PCNX2: variants seen among roughly 807,000 people sequenced by gnomAD.
The protein encoded by PCNX2 is pecanex 2.
A neutral mutation model predicts 223.8 loss-of-function variants in PCNX2; 168 were observed. The observed-to-expected ratio is 0.75, with a 90% CI of 0.66 to 0.85. The LOEUF (loss-of-function observed/expected upper bound fraction) is 0.85. Ranked by LOEUF, PCNX2 falls within the 40% of genes least tolerant of loss-of-function variation. The probability of loss-of-function intolerance (pLI) is 0.00; values close to 1 mark genes in which losing one functional copy is unlikely to be tolerated. For synonymous variants in PCNX2, 1,006 were observed against 1,052.6 expected (o/e 0.96, Z 0.86); for missense variants, 2,507 against 2,675.5 (o/e 0.94, Z 1.39).
At position 233,134,156 on chromosome 1, in the gene PCNX2, C is replaced by T. The variant is rs1345508899; in HGVS notation, c.3837+857G>A. ...TGAAGTCAGTCTCCAGAAGAAACCCCGTGGCTGCTGTATTCAACTGCCGGT... is the reference window on the plus strand; with the variant it reads ...TGAAGTCAGTCTCCAGAAGAAACCCTGTGGCTGCTGTATTCAACTGCCGGT... On this transcript the variant is annotated intron_variant, in intron 21 of 33. Coordinates refer to ENST00000258229, the MANE Select transcript of PCNX2 (RefSeq NM_014801.4). Among the ~76,000 whole-genome samples the T allele has an allele frequency of 2.6e-5, 4 of 152,236 alleles. No homozygotes were observed. The East Asian group carries it at 5.8e-4, about 22-fold the overall frequency.
intron 15 of PCNX2, among the ~76,000 whole-genome samples, chr1:233,194,019 T>A (rs191045991): frequency 6.6e-6 from 1 of 151,828 alleles, no homozygotes; most frequent in East Asian, 1.9e-4. Context: ...GGCTAAAGAT[T>A]TTCCAAAACA....
intron 25 of PCNX2, among the ~76,000 whole-genome samples, chr1:233,029,556 A>G (rs1182968968): frequency 6.7e-6 from 1 of 149,174 alleles, no homozygotes; most frequent in Non-Finnish European, 1.5e-5. Context: ...AATGCCTTTT[A>G]AAGTTTCTTA....
chr1:233,164,010 A>G (rs995340361), intron 17 of PCNX2, among the ~76,000 whole-genome samples: 2 of 152,204 alleles, frequency 1.3e-5, no homozygotes, highest in Admixed American at 1.3e-4. Flanking sequence ...ACAAATATTC[A>G]TGAACATTTC....
At chr1:233,065,943 T>A (rs754394220) in intron 23 of PCNX2, among the ~76,000 whole-genome samples, 6 of 152,174 alleles carry the variant, frequency 3.9e-5, no homozygotes, top group Non-Finnish European at 8.8e-5. Flanking sequence ...CAGTTCTAGA[T>A]AAAGTCCCCA....
chr1:233,249,660 C>T (rs1229627289), intron 8 of PCNX2, among the ~76,000 whole-genome samples: 3 of 152,170 alleles, frequency 2.0e-5, no homozygotes, highest in Non-Finnish European at 2.9e-5. Flanking sequence ...TCTGTTTCCC[C>T]ACAGGAGTGA....
At position 233,259,094 on chromosome 1, in the gene PCNX2, C is replaced by A. The variant is rs1389850158; in HGVS notation, c.768G>T (p.Leu256Phe). ...CATACTGAGACAAAGACAGGTGGGG[C>A]AACTTCTTCAAGGGTCCCTTATCCA... Reference protein sequence around the residue: ...GLVDKGPLKKLPHLSLSQYDL... With the variant: ...GLVDKGPLKKFPHLSLSQYDL... The change falls in exon 5 of 34, where the codon TTG (leucine) becomes TTT (phenylalanine). Residue 256 changes from leucine (L) to phenylalanine (F), a missense_variant. Around this residue, in one of 3 missense-constraint regions of PCNX2, gnomAD observed 1,031 missense variants for 1,021.7 expected, o/e 1.01. Coordinates refer to ENST00000258229, the MANE Select transcript of PCNX2 (RefSeq NM_014801.4). The A allele has an allele frequency of 1.2e-6, 2 of 1,613,834 alleles. No individual in the cohort carries two copies. The highest frequency in any genetic ancestry group is 2.7e-5 in the African/African-American group (2 of 74,906).
At chr1:233,136,507 G>C (rs967368948) in intron 20 of PCNX2, among the ~76,000 whole-genome samples, 1 of 152,162 alleles carries the variant, frequency 6.6e-6, no homozygotes, top group Admixed American at 6.5e-5. Context: ...GGATGTGTGA[G>C]GTGTGGTTTG....
At position 232,997,068 on chromosome 1, in the gene PCNX2, T is replaced by A. The variant is rs1166032988; in HGVS notation, c.5791+1183A>T. Among the ~76,000 whole-genome samples, 2 of 152,232 alleles carry A rather than the reference T, an allele frequency of 1.3e-5. 1 individual carries two copies. The highest frequency in any genetic ancestry group is 4.8e-5 in the African/African-American group (2 of 41,450). On this transcript the variant is annotated intron_variant, in intron 32 of 33. Coordinates refer to ENST00000258229, the MANE Select transcript of PCNX2 (RefSeq NM_014801.4). Reference sequence around the variant, plus strand: ...AAGCCTCAAAGGCTGGTCACAGTGGTTGCAAAATACCCCTTTTCCTTATCC... The same window carrying A: ...AAGCCTCAAAGGCTGGTCACAGTGGATGCAAAATACCCCTTTTCCTTATCC...
intron 12 of PCNX2, among the ~76,000 whole-genome samples, chr1:233,211,012 C>A (rs557837259): frequency 1.8e-4 from 27 of 152,204 alleles, no homozygotes; most frequent in Non-Finnish European, 1.9e-4. Flanking sequence ...AGCAGTGGTG[C>A]CTGTGGCTAA....
intron 17 of PCNX2, among the ~76,000 whole-genome samples, chr1:233,173,992 C>A (rs1026169182): frequency 3.5e-5 from 5 of 144,182 alleles, no homozygotes; most frequent in Admixed American, 7.0e-5. Context: ...TTTTCTTTTT[C>A]TCTTTGCTCT....
At chr1:233,110,545 A>G (rs1675057901) in intron 21 of PCNX2, among the ~76,000 whole-genome samples, 1 of 152,056 alleles carries the variant, frequency 6.6e-6, no homozygotes, top group Non-Finnish European at 1.5e-5. Context: ...TTCAGGCAGA[A>G]GAAAACTTCA....
chr1:233,062,267 G>A (rs897668060), intron 23 of PCNX2, among the ~76,000 whole-genome samples: 11 of 151,900 alleles, frequency 7.2e-5, no homozygotes, highest in Non-Finnish European at 1.5e-4. Context: ...TTTTCTATAT[G>A]TATATGTGTT....
intron 8 of PCNX2, among the ~76,000 whole-genome samples, chr1:233,244,602 C>A (rs1658990238): frequency 6.6e-6 from 1 of 152,022 alleles, no homozygotes; most frequent in Non-Finnish European, 1.5e-5. Context: ...ATCCCAGCTA[C>A]TTGAGAGGAT....
chr1:233,140,656 C>T (rs550796914), intron 19 of PCNX2, among the ~76,000 whole-genome samples: 3 of 152,292 alleles, frequency 2.0e-5, no homozygotes, highest in Non-Finnish European at 4.4e-5. Context: ...CTGGGGAGCC[C>T]GTGCTTTTCT....
At chr1:233,065,308 A>C (rs755146023) in intron 23 of PCNX2, among the ~76,000 whole-genome samples, 1 of 152,186 alleles carries the variant, frequency 6.6e-6, no homozygotes, top group Non-Finnish European at 1.5e-5. Context: ...GTAAAAGTCT[A>C]TTTCCTGAAA....
intron 31 of PCNX2, 133 bp from the exon 32 acceptor site, chr1:232,998,571 G>A (rs1669959762): frequency 2.4e-6 from 2 of 849,076 alleles, no homozygotes; most frequent in East Asian, 5.6e-5. Context: ...TGGCATGCTG[G>A]TGGGAAGAGG....
chr1:233,239,912 A>G (rs1658651271), intron 8 of PCNX2, among the ~76,000 whole-genome samples: 1 of 152,218 alleles, frequency 6.6e-6, no homozygotes. Context: ...AGACAGTCTC[A>G]AACAGCATAT....
At chr1:233,147,102 T>A (rs888736283) in intron 19 of PCNX2, among the ~76,000 whole-genome samples, 1 of 152,230 alleles carries the variant, frequency 6.6e-6, no homozygotes, top group Non-Finnish European at 1.5e-5. Context: ...CCATCTGAAC[T>A]ACCTGGGGGG....
At chr1:233,276,669 T>C (rs75109192) in intron 1 of PCNX2, among the ~76,000 whole-genome samples, 1,551 of 152,288 alleles carry the variant, frequency 0.01, 14 homozygotes, top group South Asian at 0.028. Context: ...TTCTAGAATA[T>C]CTCTCAAGTT....
Sources: allele counts gnomAD v4.1 joint callset (sites outside exome capture counted in the v4.1 genomes callset), GRCh38; gene constraint gnomAD v4.1.1; regional missense constraint gnomAD v4.1.1; transcripts MANE v1.5; gene names NCBI Gene and HGNC (gene_info 2026-07-23, HGNC 2026-07-21).